The following MBNL2 variants were observed in gnomAD, a reference collection of about 807,000 sequenced individuals.
MBNL2 encodes the protein muscleblind-like protein 2.
Under a neutral mutation model 41.9 loss-of-function variants are expected in MBNL2, and 17 were observed. That is an observed-to-expected ratio of 0.41 (90% CI 0.28 to 0.61). The LOEUF (loss-of-function observed/expected upper bound fraction) is 0.61. Ranked by LOEUF, MBNL2 falls within the 20% of genes least tolerant of loss-of-function variation. MBNL2 has a pLI of 0.35. For synonymous variants in MBNL2, 195 were observed against 182.9 expected (o/e 1.07, Z -0.53); for missense variants, 336 against 505.6 (o/e 0.66, Z 3.22).
chr13:97,280,601 C>CA (rs1444319897), intron 2 of MBNL2, among the ~76,000 whole-genome samples: 3 of 152,220 alleles, frequency 2.0e-5, no homozygotes, highest in Non-Finnish European at 4.4e-5. Flanking sequence ...TCACCACACT[C>CA]AGAGTAAAGA....
the MBNL2 span, among the ~76,000 whole-genome samples, chr13:97,210,416 A>G: frequency 1.3e-5 from 2 of 152,244 alleles, no homozygotes; most frequent in South Asian, 4.1e-4. Context: ...TTTGTGGCAT[A>G]GCTTGTGGTT....
chr13:97,173,512 T>C, the MBNL2 span, among the ~76,000 whole-genome samples: 2 of 152,210 alleles, frequency 1.3e-5, no homozygotes, highest in Non-Finnish European at 2.9e-5. Context: ...GTTTTTGGCA[T>C]CACCAACATG....
At position 97,392,798 on chromosome 13, in the gene MBNL2, AAAAAC is replaced by A. The variant is rs2066413892; in HGVS notation, c.*1356_*1360del. ...TACATAGTTTTTAAATTATTGTTTA[AAAAAC>A]AAAACAGCTGTTATAAATGAATATT... On this transcript the variant is annotated 3_prime_UTR_variant, in exon 9 of 9. Transcript: ENST00000679496. 3 of 152,468 alleles carry A rather than the reference AAAAAC, an allele frequency of 2.0e-5. No homozygotes were observed. Among genetic ancestry groups the A allele is most frequent in the Admixed American group, 6.6e-5 (1 of 15,248 alleles). 9.4% of individuals were successfully genotyped at this position (152,468 alleles called of 1,614,324 possible). A position where few individuals can be genotyped will look rare whatever the true frequency, so the allele number is the denominator to read the frequency against.
At chr13:97,359,705 T>C (rs1189294107) in intron 7 of MBNL2, among the ~76,000 whole-genome samples, 5 of 152,120 alleles carry the variant, frequency 3.3e-5, no homozygotes, top group African/African-American at 1.2e-4. Flanking sequence ...CTCAATACAG[T>C]GGGCTTTGGA....
the MBNL2 span, among the ~76,000 whole-genome samples, chr13:97,164,968 G>GCCGA: frequency 2.0e-5 from 3 of 152,180 alleles, no homozygotes; most frequent in African/African-American, 7.2e-5. Context: ...ACTTTGAGAG[G>GCCGA]CCGAGGTGGC....
chr13:97,188,247 G>A, the MBNL2 span, among the ~76,000 whole-genome samples: 2 of 152,072 alleles, frequency 1.3e-5, no homozygotes, highest in Non-Finnish European at 2.9e-5. Context: ...CCTCTGCACC[G>A]GGGGCTCGCG....
At position 97,223,948 on chromosome 13, in the gene MBNL2, A is replaced by G. The variant is rs77303782; in HGVS notation, c.-605+1417A>G. Among the ~76,000 whole-genome samples, 1,361 of 152,312 alleles carry G rather than the reference A, an allele frequency of 8.9e-3. 21 individuals are homozygous for G. Among genetic ancestry groups the G allele is most frequent in the African/African-American group, 0.031 (1,303 of 41,548 alleles). ...AGGAATATTTCTTTATGTCCTGGCCAGGAACATTCTAACTCCCCACTGGCA... is the reference window on the plus strand; with the variant it reads ...AGGAATATTTCTTTATGTCCTGGCCGGGAACATTCTAACTCCCCACTGGCA... On this transcript the variant is annotated intron_variant, in intron 1 of 8. Coordinates refer to ENST00000679496, the MANE Select transcript of MBNL2 (RefSeq NM_001382683.1).
At position 97,334,376 on chromosome 13, in the gene MBNL2, C is replaced by T; in HGVS notation, c.275C>T (p.Thr92Ile). 2.5e-6 allele frequency: 4 copies of T among 1,613,738 alleles called. No individual in the cohort carries two copies. Among genetic ancestry groups the T allele is most frequent in the Non-Finnish European group, 3.4e-6 (4 of 1,179,712 alleles). The change falls in exon 3 of 9, where the codon ACT becomes ATT. Residue 92 changes from threonine (T) to isoleucine (I), a missense_variant. By Grantham distance (89) the Thr-to-Ile change is moderately conservative. Coordinates refer to ENST00000679496, the MANE Select transcript of MBNL2 (RefSeq NM_001382683.1). The surrounding 1 kb of genome is among the most constrained non-coding windows in gnomAD (Gnocchi z 5.3). The stretch of plus-strand genomic sequence containing the variant: ...AGGAACAATTTGATTCAGCAAAAAA[C>T]TGCAGCAGCAATGCTTGCCCAGCAG... Reference protein sequence around the residue: ...NGRNNLIQQKTAAAMLAQQMQ... With the variant: ...NGRNNLIQQKIAAAMLAQQMQ...
chr13:97,259,869 C>G (rs2048279815), intron 1 of MBNL2, among the ~76,000 whole-genome samples: 1 of 152,148 alleles, frequency 6.6e-6, no homozygotes, highest in Non-Finnish European at 1.5e-5. Context: ...ACTGTAAGCT[C>G]TGTGGCGTAT....
intron 1 of MBNL2, among the ~76,000 whole-genome samples, chr13:97,240,132 A>G (rs989739999): frequency 6.6e-6 from 1 of 152,158 alleles, no homozygotes. Flanking sequence ...CCCACCTCCC[A>G]TGATTCTGAC....
At chr13:97,186,146 G>C in the MBNL2 span, among the ~76,000 whole-genome samples, 8 of 152,214 alleles carry the variant, frequency 5.3e-5, no homozygotes, top group East Asian at 1.5e-3. Context: ...AGCACCAAAA[G>C]GGGAGGTGAG....
At chr13:97,174,276 A>G in the MBNL2 span, among the ~76,000 whole-genome samples, 1 of 152,168 alleles carries the variant, frequency 6.6e-6, no homozygotes, top group African/African-American at 2.4e-5. Context: ...CTACAGCCAT[A>G]CTTTTCAGTA....
intron 2 of MBNL2, among the ~76,000 whole-genome samples, chr13:97,279,555 T>C (rs1168706906): frequency 6.6e-6 from 1 of 152,224 alleles, no homozygotes; most frequent in Non-Finnish European, 1.5e-5. Context: ...AAGAATTAAC[T>C]GTGTGAATGA....
the MBNL2 span, among the ~76,000 whole-genome samples, chr13:97,155,184 T>A: frequency 1.2e-4 from 19 of 152,178 alleles, 1 homozygote; most frequent in Middle Eastern, 3.4e-3. Flanking sequence ...AATTTTTTTG[T>A]AGCTATTTTC....
rs991452706 is a variant in MBNL2, at chr13:97,346,731, G to A, written c.541-73G>A. ...AAGCGAGGCAGCCTCCGCTCCTCCC[G>A]CGGTGGCCGGGGCCGCAGGGGCGCC... On this transcript the variant is annotated intron_variant, in intron 4 of 8. Coordinates refer to ENST00000679496, the MANE Select transcript of MBNL2 (RefSeq NM_001382683.1). This position sits in a 1 kb window ranked among gnomAD's most constrained non-coding sequence, Gnocchi z 4.2. The A allele has an allele frequency of 6.7e-6, 9 of 1,334,782 alleles. No individual in the cohort carries two copies. The East Asian group carries it at 9.3e-5, about 14-fold the overall frequency. 82.7% of individuals were successfully genotyped at this position (1,334,782 alleles called of 1,614,324 possible). A position where few individuals can be genotyped will look rare whatever the true frequency, so the allele number is the denominator to read the frequency against.
chr13:97,152,522 G>GA, the MBNL2 span, among the ~76,000 whole-genome samples: 1 of 151,940 alleles, frequency 6.6e-6, no homozygotes, highest in South Asian at 2.1e-4. Flanking sequence ...TAGAGACAAA[G>GA]AAAAAATTGT....
At chr13:97,292,465 C>T (rs2056319660) in intron 2 of MBNL2, among the ~76,000 whole-genome samples, 1 of 152,190 alleles carries the variant, frequency 6.6e-6, no homozygotes, top group Admixed American at 6.5e-5. Flanking sequence ...GCTCCCGTCA[C>T]TAATAGATTT....
the MBNL2 span, among the ~76,000 whole-genome samples, chr13:97,152,076 A>C: frequency 2.6e-5 from 4 of 152,206 alleles, no homozygotes; most frequent in Non-Finnish European, 5.9e-5. Flanking sequence ...ATTAAAAAAG[A>C]CAATGCAGTG....
the MBNL2 span, among the ~76,000 whole-genome samples, chr13:97,161,316 T>A: frequency 1.3e-5 from 2 of 152,192 alleles, no homozygotes; most frequent in Non-Finnish European, 2.9e-5. Context: ...TTCTCATTGC[T>A]TACCCATTAG....
Sources: gnomAD v4.1 joint callset for allele counts (sites outside exome capture counted in the v4.1 genomes callset) on GRCh38, gnomAD v4.1.1 for gene constraint, Gnocchi (gnomAD v3.1) non-coding constraint, MANE v1.5 for transcripts, NCBI Gene and HGNC (gene_info 2026-07-23, HGNC 2026-07-21) for gene names.